Variants in GRIN2A observed in about 807,000 individuals in gnomAD.
The protein encoded by GRIN2A is glutamate receptor ionotropic, NMDA 2A.
A neutral mutation model predicts 113.4 loss-of-function variants in GRIN2A; 22 were observed. The observed-to-expected ratio is 0.19, with a 90% CI of 0.14 to 0.28. The LOEUF is 0.28. GRIN2A is among the 10% of genes least tolerant of loss of function. The probability of loss-of-function intolerance (pLI) is 1.00; values close to 1 mark genes in which losing one functional copy is unlikely to be tolerated. For synonymous variants in GRIN2A, 827 were observed against 738.4 expected (o/e 1.12, Z -1.94); for missense variants, 1,502 against 1,887.0 (o/e 0.80, Z 3.78).
intron 2 of GRIN2A, among the ~76,000 whole-genome samples, chr16:9,971,686 A>G (rs1261813687): frequency 6.6e-6 from 1 of 152,228 alleles, no homozygotes. Flanking sequence ...TATCTGAAAA[A>G]TAGTTCCAGC....
At chr16:9,963,346 T>C (rs906382714) in intron 2 of GRIN2A, among the ~76,000 whole-genome samples, 1 of 151,980 alleles carries the variant, frequency 6.6e-6, no homozygotes, top group African/African-American at 2.4e-5. Flanking sequence ...ACACGTGCCA[T>C]GGTGGTTGGC....
chr16:10,101,816 C>T (rs983832662), intron 2 of GRIN2A, among the ~76,000 whole-genome samples: 2 of 152,096 alleles, frequency 1.3e-5, no homozygotes, highest in African/African-American at 4.8e-5. Flanking sequence ...GAGAGATAGC[C>T]CCACTCTAGG....
intron 4 of GRIN2A, among the ~76,000 whole-genome samples, chr16:9,888,148 T>A (rs149361753): frequency 0.012 from 1,876 of 152,050 alleles, 56 homozygotes; most frequent in African/African-American, 0.044. Context: ...ACCATATTGG[T>A]CAGGCTGGTC....
intron 2 of GRIN2A, among the ~76,000 whole-genome samples, chr16:10,076,519 G>A (rs2047875830): frequency 1.3e-5 from 2 of 152,140 alleles, no homozygotes; most frequent in African/African-American, 4.8e-5. Flanking sequence ...CCACGCACTA[G>A]GATCTGTATG....
intron 2 of GRIN2A, among the ~76,000 whole-genome samples, chr16:10,176,882 G>A (rs2050158662): frequency 6.6e-6 from 1 of 152,310 alleles, no homozygotes; most frequent in East Asian, 1.9e-4. Flanking sequence ...AAAAAAATGT[G>A]TGTGTGTGTG....
intron 2 of GRIN2A, among the ~76,000 whole-genome samples, chr16:10,080,669 C>A (rs982509143): frequency 7.2e-5 from 11 of 151,984 alleles, no homozygotes; most frequent in African/African-American, 2.7e-4. Context: ...ACAAAGGGAG[C>A]GATGGAGTAC....
intron 2 of GRIN2A, among the ~76,000 whole-genome samples, chr16:10,132,027 CTG>C (rs2049074563): frequency 6.6e-6 from 1 of 152,032 alleles, no homozygotes; most frequent in South Asian, 2.1e-4. Context: ...AGTAAGGAAA[CTG>C]AGGTTCAGAG....
chr16:9,996,553 C>A (rs2046227194), intron 2 of GRIN2A, among the ~76,000 whole-genome samples: 1 of 152,186 alleles, frequency 6.6e-6, no homozygotes, highest in South Asian at 2.1e-4. Context: ...AGTGACCTGT[C>A]CCTGAGCAGA....
intron 3 of GRIN2A, among the ~76,000 whole-genome samples, chr16:9,913,201 A>G (rs1049474107): frequency 3.3e-5 from 5 of 152,212 alleles, no homozygotes; most frequent in African/African-American, 9.6e-5. Flanking sequence ...ATTCTACTAC[A>G]ATTTCCGGAT....
chr16:9,913,201 A>T (rs1049474107), intron 3 of GRIN2A, among the ~76,000 whole-genome samples: 1 of 152,212 alleles, frequency 6.6e-6, no homozygotes, highest in South Asian at 2.1e-4. Context: ...ATTCTACTAC[A>T]ATTTCCGGAT....
chr16:9,843,309 T>C (rs1217736811), intron 5 of GRIN2A, among the ~76,000 whole-genome samples: 1 of 152,058 alleles, frequency 6.6e-6, no homozygotes, highest in Non-Finnish European at 1.5e-5. Context: ...CATCTCTATA[T>C]CCATGAAGGT....
At chr16:9,901,035 T>A (rs1401194176) in intron 3 of GRIN2A, among the ~76,000 whole-genome samples, 1 of 152,238 alleles carries the variant, frequency 6.6e-6, no homozygotes, top group Non-Finnish European at 1.5e-5. Context: ...TCAATTGACA[T>A]TCAATTCAAG....
chr16:9,930,829 T>C (rs1036759287), intron 3 of GRIN2A, among the ~76,000 whole-genome samples: 1 of 152,222 alleles, frequency 6.6e-6, no homozygotes, highest in East Asian at 1.9e-4. Flanking sequence ...ATTTTTCCTA[T>C]GTTATTTTAG....
At chr16:9,958,697 T>C (rs910782281) in intron 2 of GRIN2A, among the ~76,000 whole-genome samples, 2 of 152,088 alleles carry the variant, frequency 1.3e-5, no homozygotes, top group African/African-American at 4.8e-5. Flanking sequence ...GTTGCATATA[T>C]TCGTTTGCAT....
chr16:10,040,543 ACT>A (rs1487767201), intron 2 of GRIN2A, among the ~76,000 whole-genome samples: 2 of 150,696 alleles, frequency 1.3e-5, no homozygotes, highest in African/African-American at 4.9e-5. Flanking sequence ...AATGCTGCAC[ACT>A]CACAGCAGAC....
chr16:9,871,817 C>T (rs768064341), intron 4 of GRIN2A, among the ~76,000 whole-genome samples: 8 of 152,150 alleles, frequency 5.3e-5, no homozygotes, highest in African/African-American at 1.9e-4. Flanking sequence ...GAAAACTAAG[C>T]TCCATTCGCT....
intron 2 of GRIN2A, among the ~76,000 whole-genome samples, chr16:9,979,172 G>C (rs1294713291): frequency 6.6e-6 from 1 of 152,180 alleles, no homozygotes; most frequent in Non-Finnish European, 1.5e-5. Flanking sequence ...TAGATCTGGA[G>C]TCTGGTGAAG....
rs144124746 is a variant in GRIN2A, at chr16:9,865,186, C to T, written c.1123-15225G>A. Among the ~76,000 whole-genome samples the T allele has an allele frequency of 2.0e-3, 301 of 152,264 alleles. 2 individuals are homozygous for T. The highest frequency in any genetic ancestry group is 6.8e-3 in the Middle Eastern group (2 of 294). On this transcript the variant is annotated intron_variant, in intron 4 of 12. Transcript: ENST00000330684. Reference sequence around the variant, plus strand: ...AGTAATAAGCTTAACGACAGCTTTGCCCAGTTAAAAACGTGATTATTCTAA... The same window carrying T: ...AGTAATAAGCTTAACGACAGCTTTGTCCAGTTAAAAACGTGATTATTCTAA...
chr16:10,163,525 G>T (rs144192319), intron 2 of GRIN2A, among the ~76,000 whole-genome samples: 2 of 152,148 alleles, frequency 1.3e-5, no homozygotes, highest in Admixed American at 1.3e-4. Flanking sequence ...GTGCACTGGT[G>T]CAGCAGAACT....
Sources: allele counts gnomAD v4.1 joint callset (sites outside exome capture counted in the v4.1 genomes callset), GRCh38; gene constraint gnomAD v4.1.1; transcripts MANE v1.5; gene names NCBI Gene and HGNC (gene_info 2026-07-23, HGNC 2026-07-21).